The following EBF3 variants were observed in gnomAD, a reference collection of about 807,000 sequenced individuals.
EBF3 encodes the protein EBF transcription factor 3.
A neutral mutation model predicts 77.1 loss-of-function variants in EBF3; 18 were observed. That is an observed-to-expected ratio of 0.23 (90% CI 0.16 to 0.35). EBF3 has a LOEUF of 0.35. EBF3 is among the 10% of genes least tolerant of loss of function. The pLI is 1.00. For synonymous variants in EBF3, 350 were observed against 343.5 expected, an observed-to-expected ratio of 1.02 and a Z score of -0.21; for missense variants, 558 against 860.0, an observed-to-expected ratio of 0.65 and a Z score of 4.39.
Position 129,840,478 on chromosome 10 carries a change from G to T in EBF3, c.1562-36C>A, listed in dbSNP as rs576439240. On this transcript the variant is annotated intron_variant, in intron 14 of 16. Coordinates refer to ENST00000440978, the MANE Select transcript of EBF3 (RefSeq NM_001375380.1). ...GCAAACACGGTCAGCACGCGCGGCC[G>T]CGGCACAGCGCCACGGCGAGAGGGC... 9.1e-6 allele frequency: 14 copies of T among 1,537,912 alleles called. No individual in the cohort carries two copies. The African/African-American group carries it at 1.5e-4, about 17-fold the overall frequency.
In EBF3 at chr10:129,951,450, G is replaced by A. The variant is rs116226822; in HGVS notation, c.554+5808C>T. On this transcript the variant is annotated intron_variant, in intron 6 of 16. Transcript: ENST00000440978. ...CCTCCACCCCTGCACGTTCATACCC[G>A]GCTGCATGCTGCTGCAGGGCCTGGG... is the stretch of plus-strand genomic sequence containing the variant. Among the ~76,000 whole-genome samples, 1,011 of 152,334 alleles carry A rather than the reference G, an allele frequency of 6.6e-3. 12 individuals are homozygous for A. Among genetic ancestry groups the A allele is most frequent in the African/African-American group, 0.023 (957 of 41,570 alleles).
rs767220494 is a variant in EBF3, at chr10:129,923,556, T to C, written c.554+33702A>G. ...AACAGGGAGTGGGTGGTCTTTTCAA[T>C]AAATGGTGCTGGGAAAGCTGGACTC... On this transcript the variant is annotated intron_variant, in intron 6 of 16. Transcript: ENST00000440978. Among the ~76,000 whole-genome samples, 53 of 152,284 alleles carry C rather than the reference T, an allele frequency of 3.5e-4. No homozygotes were observed. The Middle Eastern group carries it at 0.01, about 29-fold the overall frequency.
At position 129,848,442 on chromosome 10, in the gene EBF3, A is replaced by G; in HGVS notation, c.1078T>C (p.Leu360=). 6.2e-7 allele frequency: 1 copy of G among 1,614,194 alleles called. No homozygotes were observed. Among genetic ancestry groups the G allele is most frequent in the Non-Finnish European group, 8.5e-7 (1 of 1,180,036 alleles). Residue 360 remains leucine, a synonymous_variant, in exon 11 of 17, where the codon TTG becomes CTG. Transcript: ENST00000440978. The surrounding 1 kb of genome is among the most constrained non-coding windows in gnomAD (Gnocchi z 4.4). ...GGATGTCTTGGGATCACTTTCTGCA[A>G]CCTCTGAAAGCCGTAATCTATGGTT... ...EPTIDYGFQR[L]QKVIPRHPGD...
intron 6 of EBF3, among the ~76,000 whole-genome samples, chr10:129,907,822 G>C (rs2134275879): frequency 6.6e-6 from 1 of 152,248 alleles, no homozygotes; most frequent in South Asian, 2.1e-4. Context: ...CGCATGTAAA[G>C]TGCACTCTCC....
chr10:129,961,204 G>A (rs1013421695), intron 4 of EBF3, among the ~76,000 whole-genome samples: 2 of 152,158 alleles, frequency 1.3e-5, no homozygotes, highest in Admixed American at 6.5e-5. Context: ...CATCAAAACC[G>A]AAGAAGCCAC....
intron 10 of EBF3, among the ~76,000 whole-genome samples, chr10:129,852,995 G>A (rs61017066): frequency 0.059 from 8,964 of 152,260 alleles, 898 homozygotes; most frequent in African/African-American, 0.2. Flanking sequence ...CTCCCTGCCT[G>A]CAAACAGGAC....
chr10:129,935,395 G>A lies in EBF3; in HGVS notation c.554+21863C>T, dbSNP rs142539694. On this transcript the variant is annotated intron_variant, in intron 6 of 16. Coordinates refer to ENST00000440978, the MANE Select transcript of EBF3 (RefSeq NM_001375380.1). The surrounding 1 kb of genome is among the most constrained non-coding windows in gnomAD (Gnocchi z 4.2). ...GATCCTGTCCTGCCTGGCTCCAGCA[G>A]AAGGACCCAGTGCCATCATTCTGAC... Among the ~76,000 whole-genome samples the A allele has an allele frequency of 4.2e-3, 647 of 152,286 alleles. 3 individuals are homozygous for A. The highest frequency in any genetic ancestry group is 0.015 in the African/African-American group (626 of 41,566).
chr10:129,908,752 C>T (rs1855316825), intron 6 of EBF3, among the ~76,000 whole-genome samples: 1 of 152,200 alleles, frequency 6.6e-6, no homozygotes, highest in South Asian at 2.1e-4. Flanking sequence ...CATGTGGCTG[C>T]CTGTCTGAGT....
intron 6 of EBF3, among the ~76,000 whole-genome samples, chr10:129,918,302 A>T (rs945852587): frequency 6.6e-6 from 1 of 152,242 alleles, no homozygotes; most frequent in Admixed American, 6.5e-5. Context: ...CCAAGACCCC[A>T]CTTCTGTCTC....
chr10:129,911,455 C>A (rs11592303), intron 6 of EBF3, among the ~76,000 whole-genome samples: 2 of 152,058 alleles, frequency 1.3e-5, no homozygotes, highest in Admixed American at 6.5e-5. Context: ...CCCCATTCGC[C>A]CTCCCCTATC....
At chr10:129,941,871 C>T (rs116104769) in intron 6 of EBF3, among the ~76,000 whole-genome samples, 335 of 151,884 alleles carry the variant, frequency 2.2e-3, no homozygotes, top group African/African-American at 6.3e-3. Context: ...CAGCCATTTG[C>T]GGGGTCATCC....
At chr10:129,901,473 C>G (rs1854773676) in intron 6 of EBF3, among the ~76,000 whole-genome samples, 1 of 152,190 alleles carries the variant, frequency 6.6e-6, no homozygotes, top group Non-Finnish European at 1.5e-5. Flanking sequence ...TTTGCTCTCC[C>G]TAACTGCACA....
chr10:129,950,244 A>T (rs2134564922), intron 6 of EBF3, among the ~76,000 whole-genome samples: 1 of 152,270 alleles, frequency 6.6e-6, no homozygotes, highest in African/African-American at 2.4e-5. Context: ...TTTCCTAGTG[A>T]ATTACTGGGA....
At chr10:129,844,323 AGGTGG>A (rs1850301007) in intron 11 of EBF3, among the ~76,000 whole-genome samples, 1 of 152,224 alleles carries the variant, frequency 6.6e-6, no homozygotes, top group Non-Finnish European at 1.5e-5. Flanking sequence ...AAAGTAAGGC[AGGTGG>A]CCTTCGCTCC....
chr10:129,942,791 TAC>T (rs1857867304), intron 6 of EBF3, among the ~76,000 whole-genome samples: 2 of 152,212 alleles, frequency 1.3e-5, no homozygotes, highest in African/African-American at 4.8e-5. Context: ...TTGTATTAAA[TAC>T]TTACAACTGA....
In EBF3 at chr10:129,963,897, C is replaced by T; in HGVS notation, c.-129G>A. On this transcript the variant is annotated 5_prime_UTR_variant, in exon 1 of 17. Coordinates refer to ENST00000440978, the MANE Select transcript of EBF3 (RefSeq NM_001375380.1). The surrounding 1 kb of genome is among the most constrained non-coding windows in gnomAD (Gnocchi z 7.1). ...CTCGGCGCCTGCGGTCCGGCCCCGC[C>T]GCCGGCTTCAGCCCGTCCCGGGCAG... is the stretch of plus-strand genomic sequence containing the variant. 1 of 1,163,008 alleles carries T rather than the reference C, an allele frequency of 8.6e-7. No homozygotes were observed. Among genetic ancestry groups the T allele is most frequent in the Non-Finnish European group, 1.1e-6 (1 of 944,954 alleles). 72.0% of individuals were successfully genotyped at this position (1,163,008 alleles called of 1,614,324 possible).
rs891619905 is a variant in EBF3 at position 129,947,113 on chromosome 10, G to C, written c.554+10145C>G. 6.6e-6 allele frequency among the ~76,000 whole-genome samples: 1 copy of C among 152,256 alleles called. No individual in the cohort carries two copies. The highest frequency in any genetic ancestry group is 2.1e-4 in the South Asian group (1 of 4,820). ...CCCAATCTTCCTCGTGTCAGGGGAC[G>C]AGCCGCTTCATTGAGAAAATGGAAA... On this transcript the variant is annotated intron_variant, in intron 6 of 16. Transcript: ENST00000440978. This position sits in a 1 kb window ranked among gnomAD's most constrained non-coding sequence, Gnocchi z 4.5.
intron 10 of EBF3, among the ~76,000 whole-genome samples, chr10:129,850,025 T>TCGGGCCG (rs1169943156): frequency 2.0e-5 from 3 of 152,246 alleles, no homozygotes; most frequent in African/African-American, 7.2e-5. Context: ...AAAGCATAGT[T>TCGGGCCG]CGGGCCGCGG....
intron 6 of EBF3, among the ~76,000 whole-genome samples, chr10:129,900,987 C>T (rs887807754): frequency 1.3e-5 from 2 of 152,252 alleles, no homozygotes; most frequent in Non-Finnish European, 2.9e-5. Context: ...TTACCCAACA[C>T]CCATCAGAGC....
Sources: allele counts gnomAD v4.1 joint callset (sites outside exome capture counted in the v4.1 genomes callset), GRCh38; gene constraint gnomAD v4.1.1; non-coding constraint Gnocchi (gnomAD v3.1); transcripts MANE v1.5; gene names NCBI Gene and HGNC (gene_info 2026-07-23, HGNC 2026-07-21).